Variants in PARD3 observed in about 807,000 individuals in gnomAD.
The protein encoded by PARD3 is partitioning defective 3 homolog.
A neutral mutation model predicts 155.4 loss-of-function variants in PARD3; 75 were observed. The observed-to-expected ratio is 0.48, with a 90% CI of 0.40 to 0.58. The LOEUF (loss-of-function observed/expected upper bound fraction) is 0.58, where lower values mean the gene tolerates loss of function less well. Ranked by LOEUF, PARD3 falls within the 20% of genes least tolerant of loss-of-function variation. PARD3 has a pLI of 0.00. For synonymous variants in PARD3, 576 were observed against 610.5 expected, an observed-to-expected ratio of 0.94 and a Z score of 0.83; for missense variants, 1,642 against 1,721.7, an observed-to-expected ratio of 0.95 and a Z score of 0.82.
intron 2 of PARD3, among the ~76,000 whole-genome samples, chr10:34,532,307 A>C (rs2082915777): frequency 6.6e-6 from 1 of 152,026 alleles, no homozygotes; most frequent in Non-Finnish European, 1.5e-5. Flanking sequence ...ATCTCCAAAA[A>C]TTTTTCCAAT....
At chr10:34,720,448 CAAAAAAAAAAA>C (rs10603866) in intron 1 of PARD3, among the ~76,000 whole-genome samples, 4 of 56,870 alleles carry the variant, frequency 7.0e-5, no homozygotes, top group Admixed American at 2.9e-4. Flanking sequence ...AAGGCTCTGT[CAAAAAAAAAAA>C]AAAAAAAAAA....
chr10:34,617,610 TAATAA>T (rs1460912854), intron 2 of PARD3, among the ~76,000 whole-genome samples: 3 of 152,320 alleles, frequency 2.0e-5, no homozygotes, highest in East Asian at 1.9e-4. Context: ...TTGTCAAAAA[TAATAA>T]AATAATGTTT....
chr10:34,204,583 T>C (rs1420145519), intron 22 of PARD3, among the ~76,000 whole-genome samples: 2 of 152,200 alleles, frequency 1.3e-5, no homozygotes, highest in African/African-American at 4.8e-5. Context: ...GGCTCAGATG[T>C]TCTTCACAGA....
chr10:34,633,647 G>C (rs1287273545), intron 2 of PARD3, among the ~76,000 whole-genome samples: 2 of 152,224 alleles, frequency 1.3e-5, no homozygotes, highest in African/African-American at 2.4e-5. Context: ...CGGGTGTGGA[G>C]ACATCTCTTC....
chr10:34,451,737 T>C (rs2077068253), intron 4 of PARD3, among the ~76,000 whole-genome samples: 1 of 150,022 alleles, frequency 6.7e-6, no homozygotes, highest in Non-Finnish European at 1.5e-5. Context: ...ACAAAATCTT[T>C]AAAAACTCAG....
At chr10:34,215,923 C>T (rs1406085338) in intron 22 of PARD3, among the ~76,000 whole-genome samples, 4 of 152,094 alleles carry the variant, frequency 2.6e-5, no homozygotes, top group Non-Finnish European at 4.4e-5. Flanking sequence ...TTTGCATTTG[C>T]TTTTCTGTAT....
chr10:34,536,791 C>A (rs1052466366), intron 2 of PARD3, among the ~76,000 whole-genome samples: 2 of 152,140 alleles, frequency 1.3e-5, no homozygotes, highest in African/African-American at 4.8e-5. Flanking sequence ...TGACTCATCA[C>A]CCTGCTCTTC....
intron 3 of PARD3, among the ~76,000 whole-genome samples, chr10:34,507,627 T>C (rs2081167030): frequency 6.6e-6 from 1 of 151,468 alleles, no homozygotes; most frequent in Admixed American, 6.6e-5. Context: ...TGAAACCCCA[T>C]AAAACAACTT....
intron 15 of PARD3, chr10:34,346,179 G>C: frequency 9.1e-7 from 1 of 1,101,204 alleles, no homozygotes; most frequent in Non-Finnish European, 1.1e-6. Context: ...GAAGGAAGAG[G>C]AAACAATGTC....
chr10:34,784,910 C>CATT (rs767575744), intron 1 of PARD3, among the ~76,000 whole-genome samples: 6 of 151,718 alleles, frequency 4.0e-5, no homozygotes, highest in Non-Finnish European at 7.3e-5. Context: ...TTCTAGCATT[C>CATT]ATTCCCATTT....
chr10:34,313,180 GTGTC>G (rs2134100342), intron 20 of PARD3, among the ~76,000 whole-genome samples: 1 of 152,260 alleles, frequency 6.6e-6, no homozygotes, highest in Admixed American at 6.5e-5. Flanking sequence ...GAATAGCCGA[GTGTC>G]TGAGAATCAA....
intron 2 of PARD3, among the ~76,000 whole-genome samples, chr10:34,613,262 T>C (rs1480447570): frequency 6.6e-6 from 1 of 152,218 alleles, no homozygotes; most frequent in Non-Finnish European, 1.5e-5. Context: ...CTGATTAACC[T>C]GTGTGCACAT....
intron 20 of PARD3, among the ~76,000 whole-genome samples, chr10:34,296,879 G>T (rs1956936132): frequency 6.6e-6 from 1 of 152,142 alleles, no homozygotes; most frequent in Non-Finnish European, 1.5e-5. Flanking sequence ...ATTCTTGGGA[G>T]GCTGAGGTCA....
At chr10:34,424,370 G>A (rs1443758526) in intron 5 of PARD3, among the ~76,000 whole-genome samples, 1 of 152,150 alleles carries the variant, frequency 6.6e-6, no homozygotes, top group African/African-American at 2.4e-5. Flanking sequence ...GCAACAAGAT[G>A]TATTCGAGTA....
At chr10:34,721,768 T>C (rs1248589739) in intron 1 of PARD3, among the ~76,000 whole-genome samples, 1 of 152,234 alleles carries the variant, frequency 6.6e-6, no homozygotes, top group Non-Finnish European at 1.5e-5. Context: ...TAAATACCAC[T>C]GCTAATCTGA....
chr10:34,346,288 C>T, intron 15 of PARD3: 1 of 1,236,904 alleles, frequency 8.1e-7, no homozygotes, highest in Non-Finnish European at 1.0e-6. Context: ...CTCATATATA[C>T]AGCATTTCAA....
intron 2 of PARD3, among the ~76,000 whole-genome samples, chr10:34,658,899 T>C (rs1334083921): frequency 1.3e-5 from 2 of 152,192 alleles, no homozygotes; most frequent in Admixed American, 6.5e-5. Flanking sequence ...ATTCACAGAG[T>C]TCACCACGTG....
intron 7 of PARD3, among the ~76,000 whole-genome samples, chr10:34,393,151 A>T (rs1161492081): frequency 5.4e-5 from 4 of 74,002 alleles, no homozygotes; most frequent in Non-Finnish European, 1.2e-4. Context: ...ACTAGATCTT[A>T]AAAAAAAAAA....
At chr10:34,345,303 T>C (rs1837292028) in intron 15 of PARD3, 1 of 985,282 alleles carries the variant, frequency 1.0e-6, no homozygotes, top group South Asian at 4.7e-5. Flanking sequence ...CAGGGATGTG[T>C]TCACATAGGA....
Sources: gnomAD v4.1 joint callset for allele counts (sites outside exome capture counted in the v4.1 genomes callset) on GRCh38, gnomAD v4.1.1 for gene constraint, MANE v1.5 for transcripts, NCBI Gene and HGNC (gene_info 2026-07-23, HGNC 2026-07-21) for gene names.